COG5: variants seen among roughly 807,000 people sequenced by gnomAD.
The protein encoded by COG5 is component of oligomeric golgi complex 5, also known as conserved oligomeric Golgi complex subunit 5.
A neutral mutation model predicts 110.4 loss-of-function variants in COG5; 86 were observed. The observed-to-expected ratio is 0.78, with a 90% CI of 0.65 to 0.93. The LOEUF is 0.93. Among genes scored for constraint, COG5 ranks in the 40% least tolerant of loss-of-function variants. The pLI, the probability that COG5 is intolerant of heterozygous loss-of-function variation, is 0.00. For synonymous variants in COG5, 360 were observed against 334.6 expected (o/e 1.08, Z -0.83); for missense variants, 1,077 against 987.0 (o/e 1.09, Z -1.22).
chr7:107,378,970 C>G (rs1814867700), intron 7 of COG5, among the ~76,000 whole-genome samples: 1 of 152,134 alleles, frequency 6.6e-6, no homozygotes, highest in Non-Finnish European at 1.5e-5. Flanking sequence ...ACATAGTTGT[C>G]AGATTCACCA....
Position 107,201,606 on chromosome 7 carries a change from A to G in COG5, c.*1910T>C. ...TGAGTGAGGATTTGCTTTCTCCATT[A>G]GAGCATTAAGCTAAAACTATCAACA... On this transcript the variant is annotated 3_prime_UTR_variant, in exon 22 of 22. Transcript: ENST00000297135. 3 of 458,486 alleles carry G rather than the reference A, an allele frequency of 6.5e-6. No homozygotes were observed. The highest frequency in any genetic ancestry group is 1.2e-5 in the Non-Finnish European group (3 of 251,044). 28.4% of individuals were successfully genotyped at this position (458,486 alleles called of 1,614,324 possible).
chr7:107,231,732 T>C (rs1800789593), intron 18 of COG5, among the ~76,000 whole-genome samples: 1 of 151,826 alleles, frequency 6.6e-6, no homozygotes, highest in Admixed American at 6.5e-5. Flanking sequence ...CGATCACTCA[T>C]TTGAGAAACA....
At chr7:107,449,408 A>T (rs1223129602) in intron 6 of COG5, among the ~76,000 whole-genome samples, 1 of 152,238 alleles carries the variant, frequency 6.6e-6, no homozygotes, top group East Asian at 1.9e-4. Flanking sequence ...ACAATTTGGT[A>T]GCCACATCCT....
At chr7:107,400,121 T>C (rs1190707846) in intron 7 of COG5, among the ~76,000 whole-genome samples, 1 of 152,186 alleles carries the variant, frequency 6.6e-6, no homozygotes, top group Non-Finnish European at 1.5e-5. Flanking sequence ...TGAGTGTTAA[T>C]GCAGCTTTAT....
At chr7:107,453,711 T>A (rs756988463) in intron 6 of COG5, among the ~76,000 whole-genome samples, 1 of 152,174 alleles carries the variant, frequency 6.6e-6, no homozygotes, top group Non-Finnish European at 1.5e-5. Flanking sequence ...GAGAGCACAA[T>A]ATGGCACAGA....
At chr7:107,548,826 A>G (rs1481787105) in intron 3 of COG5, among the ~76,000 whole-genome samples, 2 of 152,184 alleles carry the variant, frequency 1.3e-5, no homozygotes, top group African/African-American at 4.8e-5. Context: ...GGCTTACAAC[A>G]TGAGGAAATT....
chr7:107,219,035 C>G (rs1799715288), intron 19 of COG5, among the ~76,000 whole-genome samples: 1 of 151,814 alleles, frequency 6.6e-6, no homozygotes, highest in Non-Finnish European at 1.5e-5. Context: ...TGCAAAAAAC[C>G]TGAATAGATG....
intron 19 of COG5, among the ~76,000 whole-genome samples, chr7:107,212,991 T>G (rs1023762163): frequency 1.3e-5 from 2 of 152,150 alleles, no homozygotes; most frequent in Non-Finnish European, 2.9e-5. Flanking sequence ...CATGACTGTC[T>G]TGCCTCAAAG....
intron 12 of COG5, among the ~76,000 whole-genome samples, chr7:107,292,598 AC>A (rs1258036694): frequency 6.6e-6 from 1 of 152,232 alleles, no homozygotes; most frequent in Admixed American, 6.5e-5. Flanking sequence ...TTAAAGCATG[AC>A]AAGATAACGA....
chr7:107,244,101 T>C (rs771617875), intron 17 of COG5, among the ~76,000 whole-genome samples: 7 of 151,696 alleles, frequency 4.6e-5, no homozygotes, highest in Admixed American at 2.0e-4. Flanking sequence ...ATTACAAAGA[T>C]TAGCTGGGGT....
At chr7:107,344,174 G>A (rs921353017) in intron 10 of COG5, among the ~76,000 whole-genome samples, 1 of 152,118 alleles carries the variant, frequency 6.6e-6, no homozygotes, top group African/African-American at 2.4e-5. Context: ...TTCTTCTAAG[G>A]CTACTTCATC....
chr7:107,369,185 T>C (rs1465031971), intron 8 of COG5, among the ~76,000 whole-genome samples: 2 of 152,186 alleles, frequency 1.3e-5, no homozygotes, highest in South Asian at 4.1e-4. Flanking sequence ...CAATTTAATA[T>C]GGTCTGTCAT....
chr7:107,286,023 C>CT (rs1042151848), intron 12 of COG5, among the ~76,000 whole-genome samples: 1 of 152,010 alleles, frequency 6.6e-6, no homozygotes, highest in African/African-American at 2.4e-5. Context: ...ATGCTTAAGT[C>CT]TTTTTTCCTT....
intron 6 of COG5, among the ~76,000 whole-genome samples, chr7:107,447,282 C>G (rs1054940863): frequency 6.6e-6 from 1 of 152,162 alleles, no homozygotes; most frequent in South Asian, 2.1e-4. Flanking sequence ...AAGTTCTCCA[C>G]TTTTAAGGTC....
intron 6 of COG5, among the ~76,000 whole-genome samples, chr7:107,466,187 G>C (rs902393374): frequency 2.0e-5 from 3 of 152,126 alleles, no homozygotes; most frequent in Non-Finnish European, 2.9e-5. Context: ...AAGAGGGATA[G>C]TAAGCAGTCA....
intron 10 of COG5, among the ~76,000 whole-genome samples, chr7:107,338,839 A>AT (rs1810933235): frequency 6.6e-6 from 1 of 152,164 alleles, no homozygotes. Context: ...GCTAACAAGC[A>AT]TAAGAACAGA....
intron 3 of COG5, 100 bp downstream of exon 3, chr7:107,554,185 C>T: frequency 1.0e-6 from 1 of 967,918 alleles, no homozygotes; most frequent in African/African-American, 1.6e-5. Flanking sequence ...GACTGTATGG[C>T]TGGCAAAGTC....
At chr7:107,239,852 A>G (rs1801478044) in intron 17 of COG5, among the ~76,000 whole-genome samples, 1 of 152,176 alleles carries the variant, frequency 6.6e-6, no homozygotes, top group African/African-American at 2.4e-5. Flanking sequence ...ACTTGATTTC[A>G]GCTCCCTTTA....
chr7:107,499,395 G>A (rs2129134676), intron 6 of COG5, among the ~76,000 whole-genome samples: 1 of 149,490 alleles, frequency 6.7e-6, no homozygotes, highest in Non-Finnish European at 1.5e-5. Flanking sequence ...AAAAACAAAG[G>A]GAAGAGGAGT....
Sources: gnomAD v4.1 joint callset for allele counts (sites outside exome capture counted in the v4.1 genomes callset) on GRCh38, gnomAD v4.1.1 for gene constraint, MANE v1.5 for transcripts, NCBI Gene and HGNC (gene_info 2026-07-23, HGNC 2026-07-21) for gene names.